Variants in PLCG2 observed in about 807,000 individuals in gnomAD.
The protein encoded by PLCG2 is 1-phosphatidylinositol 4,5-bisphosphate phosphodiesterase gamma-2.
Under a neutral mutation model 175.6 loss-of-function variants are expected in PLCG2, and 69 were observed. The observed-to-expected ratio is 0.39, with a 90% confidence interval of 0.32 to 0.48. The LOEUF (loss-of-function observed/expected upper bound fraction) is 0.48, where lower values mean the gene tolerates loss of function less well. Among genes scored for constraint, PLCG2 ranks in the 20% least tolerant of loss-of-function variants. PLCG2 has a pLI of 0.91. For missense variants in PLCG2, 1,798 were observed against 1,650.9 expected (o/e 1.09, Z -1.54); for synonymous variants, 827 against 624.0 (o/e 1.33, Z -4.85).
At chr16:81,833,329 T>G (rs2143394068) in intron 2 of PLCG2, among the ~76,000 whole-genome samples, 1 of 152,264 alleles carries the variant, frequency 6.6e-6, no homozygotes, top group East Asian at 1.9e-4. Flanking sequence ...TTTCGCAATC[T>G]GTCCACACCC....
intron 2 of PLCG2, among the ~76,000 whole-genome samples, chr16:81,849,698 G>T (rs1393973892): frequency 6.7e-6 from 1 of 149,682 alleles, no homozygotes; most frequent in Non-Finnish European, 1.5e-5. Context: ...TTGAACCCAG[G>T]AGGCGGAGGT....
chr16:81,940,821 C>CTAGTT (rs1910910795), intron 30 of PLCG2, among the ~76,000 whole-genome samples: 2 of 152,278 alleles, frequency 1.3e-5, no homozygotes, highest in African/African-American at 4.8e-5. Context: ...TATAGTTTCT[C>CTAGTT]TAGTTTACTT....
intron 2 of PLCG2, among the ~76,000 whole-genome samples, chr16:81,757,421 G>A (rs761732407): frequency 1.2e-4 from 19 of 152,140 alleles, no homozygotes; most frequent in Admixed American, 3.3e-4. Flanking sequence ...AACATTAGCC[G>A]GGCGCGGTGG....
chr16:81,905,302 T>G, intron 14 of PLCG2, 101 bp from the exon 15 acceptor site: 1 of 764,036 alleles, frequency 1.3e-6, no homozygotes, highest in South Asian at 1.6e-5. Flanking sequence ...GAACAGGCAG[T>G]GCAAAGGCCC....
intron 13 of PLCG2, among the ~76,000 whole-genome samples, chr16:81,899,275 TATATATATATATATAC>T (rs1217251946): frequency 7.6e-6 from 1 of 131,648 alleles, no homozygotes; most frequent in Non-Finnish European, 1.6e-5. Flanking sequence ...TGTGTGTATA[TATATATATATATATAC>T]ACACACACAC....
intron 20 of PLCG2, among the ~76,000 whole-genome samples, chr16:81,920,947 A>C (rs1482076231): frequency 1.3e-5 from 2 of 152,144 alleles, no homozygotes; most frequent in African/African-American, 4.8e-5. Flanking sequence ...GTGCTTTTAC[A>C]AAGGAACGCA....
intron 2 of PLCG2, chr16:81,766,574 C>G (rs1435046629): frequency 6.5e-6 from 1 of 152,864 alleles, no homozygotes; most frequent in East Asian, 1.9e-4. Context: ...CCCTTCCTCC[C>G]CCATTATATT....
chr16:81,775,125 G>T (rs1208722400), upstream of PLCG2, among the ~76,000 whole-genome samples: 1 of 152,080 alleles, frequency 6.6e-6, no homozygotes, highest in East Asian at 1.9e-4. Context: ...GTACAGTACA[G>T]AGGCTTCAGC....
intron 5 of PLCG2, among the ~76,000 whole-genome samples, chr16:81,867,865 T>C (rs1362587875): frequency 6.6e-6 from 1 of 151,862 alleles, no homozygotes; most frequent in Non-Finnish European, 1.5e-5. Flanking sequence ...GCCTGGCTAA[T>C]TTTTTTTGTA....
At chr16:81,779,681 G>T (rs567454217) in intron 1 of PLCG2, among the ~76,000 whole-genome samples, 2 of 152,172 alleles carry the variant, frequency 1.3e-5, no homozygotes, top group South Asian at 2.1e-4. Context: ...CGGTGGGGCG[G>T]CCCCAGCTTT....
chr16:81,752,473 A>C (rs564739469), intron 1 of PLCG2, among the ~76,000 whole-genome samples: 1 of 152,230 alleles, frequency 6.6e-6, no homozygotes, highest in Non-Finnish European at 1.5e-5. Flanking sequence ...TGGCAGCACT[A>C]ATAGCAGCTG....
intron 27 of PLCG2, chr16:81,937,545 G>T: frequency 2.4e-6 from 1 of 414,872 alleles, no homozygotes; most frequent in Non-Finnish European, 4.3e-6. Flanking sequence ...TTTATGATTC[G>T]GGATTTGGTG....
Position 81,883,139 on chromosome 16 carries a change from T to G in PLCG2, c.693-130T>G, listed in dbSNP as rs899643709. 2.3e-5 allele frequency: 17 copies of G among 733,072 alleles called. No homozygotes were observed. The African/African-American group carries it at 2.7e-4, about 12-fold the overall frequency. 45.4% of individuals were successfully genotyped at this position (733,072 alleles called of 1,614,324 possible). A position where few individuals can be genotyped will look rare whatever the true frequency, so the allele number is the denominator to read the frequency against. The stretch of plus-strand genomic sequence containing the variant: ...ACCTGTGTCTTCCTGTTGGCCAACC[T>G]GGTACCTAACACAGTGCCAGACTAA... On this transcript the variant is annotated intron_variant, in intron 8 of 32. Transcript: ENST00000564138.
At chr16:81,919,792 C>A in intron 20 of PLCG2, 128 bp downstream of exon 20, 2 of 719,044 alleles carry the variant, frequency 2.8e-6, no homozygotes, top group Non-Finnish European at 4.6e-6. Flanking sequence ...CCTGGGGATA[C>A]AAATTGAGCA....
At chr16:81,853,776 A>G (rs2143472782) in intron 2 of PLCG2, among the ~76,000 whole-genome samples, 1 of 152,268 alleles carries the variant, frequency 6.6e-6, no homozygotes, top group Non-Finnish European at 1.5e-5. Flanking sequence ...TATAAGGCAT[A>G]AATACTGGAG....
chr16:81,835,037 GGGAGGAGGT>G (rs1183768088), intron 2 of PLCG2, among the ~76,000 whole-genome samples: 1 of 151,928 alleles, frequency 6.6e-6, no homozygotes, highest in Non-Finnish European at 1.5e-5. Context: ...TTTTCTCAGT[GGGAGGAGGT>G]GGAGGTACCC....
intron 1 of PLCG2, among the ~76,000 whole-genome samples, chr16:81,783,496 A>G (rs1910836302): frequency 6.6e-6 from 1 of 152,210 alleles, no homozygotes; most frequent in African/African-American, 2.4e-5. Context: ...ATCAGTTAAT[A>G]TCTGGCCAGA....
intron 2 of PLCG2, among the ~76,000 whole-genome samples, chr16:81,759,504 A>T (rs1218360526): frequency 6.6e-6 from 1 of 152,182 alleles, no homozygotes; most frequent in African/African-American, 2.4e-5. Flanking sequence ...CCCAAGCAGG[A>T]AAGCTGCATT....
chr16:81,871,206 A>T (rs182390751), intron 7 of PLCG2, among the ~76,000 whole-genome samples: 1 of 152,302 alleles, frequency 6.6e-6, no homozygotes, highest in Admixed American at 6.5e-5. Flanking sequence ...TTGGAATTTG[A>T]TCTGAGTCTG....
Sources: allele counts gnomAD v4.1 joint callset (sites outside exome capture counted in the v4.1 genomes callset), GRCh38; gene constraint gnomAD v4.1.1; transcripts MANE v1.5; gene names NCBI Gene and HGNC (gene_info 2026-07-23, HGNC 2026-07-21).